PLCB1: variants seen among roughly 807,000 people sequenced by gnomAD.
PLCB1 encodes the protein 1-phosphatidylinositol 4,5-bisphosphate phosphodiesterase beta-1.
Under a neutral mutation model 161.8 loss-of-function variants are expected in PLCB1, and 46 were observed. The ratio of observed to expected loss-of-function variants is 0.28; its 90% confidence interval spans 0.22 to 0.36. The LOEUF is 0.36. PLCB1 is among the 10% of genes least tolerant of loss of function. The probability of loss-of-function intolerance (pLI) is 1.00; values close to 1 mark genes in which losing one functional copy is unlikely to be tolerated. For missense variants in PLCB1, 1,016 were observed against 1,472.5 expected (o/e 0.69, Z 5.07); for synonymous variants, 517 against 503.7 (o/e 1.03, Z -0.35).
At chr20:8,318,292 T>C (rs1984751526) in intron 2 of PLCB1, among the ~76,000 whole-genome samples, 1 of 152,208 alleles carries the variant, frequency 6.6e-6, no homozygotes, top group South Asian at 2.1e-4. Flanking sequence ...ACATTCATTA[T>C]TAATTCCTAA....
intron 2 of PLCB1, among the ~76,000 whole-genome samples, chr20:8,241,026 T>C (rs982142267): frequency 1.2e-4 from 18 of 151,966 alleles, no homozygotes; most frequent in Non-Finnish European, 2.6e-4. Context: ...TTGTCTGTTT[T>C]AGGTTATTTT....
At chr20:8,278,126 C>A (rs560611478) in intron 2 of PLCB1, among the ~76,000 whole-genome samples, 1 of 151,674 alleles carries the variant, frequency 6.6e-6, no homozygotes, top group Non-Finnish European at 1.5e-5. Flanking sequence ...TACAGCTATA[C>A]AAAAGAATTA....
rs570587384 is a variant in PLCB1, at chr20:8,271,965, A to G, written c.178-99417A>G. 1.1e-4 allele frequency among the ~76,000 whole-genome samples: 16 copies of G among 152,204 alleles called. No homozygotes were observed. The East Asian group carries it at 2.5e-3, about 24-fold the overall frequency. ...GGGAGGGAAAGATTTCTAAGGAATA[A>G]TGACTAAGAACAGTTTGATATGTAC... On this transcript the variant is annotated intron_variant, in intron 2 of 31. Coordinates refer to ENST00000338037, the MANE Select transcript of PLCB1 (RefSeq NM_015192.4).
intron 2 of PLCB1, among the ~76,000 whole-genome samples, chr20:8,349,541 T>G (rs552531959): frequency 6.6e-6 from 1 of 152,362 alleles, no homozygotes; most frequent in South Asian, 2.1e-4. Context: ...TCAAAGGAGC[T>G]GTCTGAATAA....
chr20:8,206,184 C>T (rs886349036), intron 2 of PLCB1, among the ~76,000 whole-genome samples: 2 of 152,204 alleles, frequency 1.3e-5, no homozygotes, highest in African/African-American at 4.8e-5. Flanking sequence ...TTTTCCTGAC[C>T]TATGACTTGT....
At position 8,739,313 on chromosome 20, in the gene PLCB1, G is replaced by T; in HGVS notation, c.2261G>T (p.Gly754Val). The T allele has an allele frequency of 6.2e-7, 1 of 1,614,082 alleles. No individual in the cohort carries two copies. The highest frequency in any genetic ancestry group is 8.5e-7 in the Non-Finnish European group (1 of 1,179,928). Reference sequence around the variant, plus strand: ...AGAATAGCAGTTTATGAAGAAGGAGGTAAATTCATTGGCCACCGTATCTTG... The same window carrying T: ...AGAATAGCAGTTTATGAAGAAGGAGTTAAATTCATTGGCCACCGTATCTTG... ...CLRIAVYEEG[G>V]KFIGHRILPV... Residue 754 changes from glycine to valine, a missense_variant, in exon 21 of 32, where the codon GGT becomes GTT. Transcript: ENST00000338037.
At chr20:8,353,379 CA>C (rs1180877722) in intron 2 of PLCB1, among the ~76,000 whole-genome samples, 1 of 151,852 alleles carries the variant, frequency 6.6e-6, no homozygotes, top group East Asian at 1.9e-4. Flanking sequence ...TATAGGATAC[CA>C]AATAATTTAT....
At chr20:8,826,451 G>C (rs1379602767) in intron 31 of PLCB1, among the ~76,000 whole-genome samples, 1 of 149,848 alleles carries the variant, frequency 6.7e-6, no homozygotes, top group Non-Finnish European at 1.5e-5. Flanking sequence ...GCAGGAGATC[G>C]CGCCACTGCA....
chr20:8,296,556 G>C (rs955799310), intron 2 of PLCB1, among the ~76,000 whole-genome samples: 1 of 152,158 alleles, frequency 6.6e-6, no homozygotes, highest in African/African-American at 2.4e-5. Flanking sequence ...GTGAACAGTT[G>C]TCTTGAGGTT....
chr20:8,799,467 T>A (rs568515937), intron 31 of PLCB1, among the ~76,000 whole-genome samples: 3 of 152,354 alleles, frequency 2.0e-5, no homozygotes, highest in South Asian at 4.1e-4. Flanking sequence ...ATGATTTCTG[T>A]GAATTTTGCT....
intron 2 of PLCB1, among the ~76,000 whole-genome samples, chr20:8,168,698 T>A (rs1248638901): frequency 6.6e-6 from 1 of 151,956 alleles, no homozygotes; most frequent in Non-Finnish European, 1.5e-5. Context: ...TGTTGTGCTA[T>A]TTTTTTTCTT....
At chr20:8,792,054 T>A (rs1318617141) in intron 31 of PLCB1, 2 of 152,490 alleles carry the variant, frequency 1.3e-5, no homozygotes, top group Non-Finnish European at 2.9e-5. Flanking sequence ...CTCCAGGTAT[T>A]TTTAGAATTT....
intron 31 of PLCB1, among the ~76,000 whole-genome samples, chr20:8,840,069 TA>T (rs1986441215): frequency 6.6e-6 from 1 of 151,868 alleles, no homozygotes; most frequent in Non-Finnish European, 1.5e-5. Context: ...GACTCTAACC[TA>T]ATCAGGGCTG....
At chr20:8,792,749 A>T (rs1272210401) in intron 31 of PLCB1, 1 of 403,446 alleles carries the variant, frequency 2.5e-6, no homozygotes, top group Non-Finnish European at 5.0e-6. Flanking sequence ...TGTGCCTTAA[A>T]GCTGTGATTT....
intron 19 of PLCB1, among the ~76,000 whole-genome samples, chr20:8,734,808 T>C (rs1980495827): frequency 6.6e-6 from 1 of 152,102 alleles, no homozygotes; most frequent in Admixed American, 6.6e-5. Flanking sequence ...ATTTTTTTAC[T>C]GGACATAAAT....
intron 3 of PLCB1, among the ~76,000 whole-genome samples, chr20:8,563,538 T>C (rs1215065725): frequency 1.3e-5 from 2 of 151,914 alleles, no homozygotes; most frequent in Non-Finnish European, 2.9e-5. Context: ...AGAAAGTAGG[T>C]CTGAAAACAG....
At chr20:8,461,608 G>C (rs1981579674) in intron 3 of PLCB1, among the ~76,000 whole-genome samples, 2 of 151,932 alleles carry the variant, frequency 1.3e-5, no homozygotes, top group Admixed American at 1.3e-4. Context: ...TTATATTTCA[G>C]TAAAACAATA....
At position 8,641,062 on chromosome 20, in the gene PLCB1, A is replaced by T. The variant is rs1988940796; in HGVS notation, c.385-5040A>T. Among the ~76,000 whole-genome samples, 2 of 152,222 alleles carry T rather than the reference A, an allele frequency of 1.3e-5. 1 individual carries two copies. The highest frequency in any genetic ancestry group is 1.3e-4 in the Admixed American group (2 of 15,288). ...TACCTGAAAAAAAGATACTTGAACAACAGTTCTTCAGAATACAGCCCAAAA... is the reference window on the plus strand; with the variant it reads ...TACCTGAAAAAAAGATACTTGAACATCAGTTCTTCAGAATACAGCCCAAAA... On this transcript the variant is annotated intron_variant, in intron 4 of 31. Transcript: ENST00000338037.
chr20:8,619,266 A>C (rs576632844), intron 3 of PLCB1, among the ~76,000 whole-genome samples: 2 of 152,140 alleles, frequency 1.3e-5, no homozygotes, highest in Admixed American at 1.3e-4. Flanking sequence ...TAAAAATACA[A>C]AAATTAGCCG....
Sources: allele counts gnomAD v4.1 joint callset (sites outside exome capture counted in the v4.1 genomes callset), GRCh38; gene constraint gnomAD v4.1.1; transcripts MANE v1.5; gene names NCBI Gene and HGNC (gene_info 2026-07-23, HGNC 2026-07-21).